The following TMEM229B variants were observed in gnomAD, a reference collection of about 807,000 sequenced individuals.
TMEM229B encodes transmembrane protein 229B.
In TMEM229B, 6 loss-of-function variants were observed where a neutral mutation model predicts 13.7. The observed-to-expected ratio is 0.44, with a 90% CI of 0.24 to 0.86. TMEM229B has a LOEUF of 0.86. Ranked by LOEUF, TMEM229B falls within the 40% of genes least tolerant of loss-of-function variation. The probability of loss-of-function intolerance (pLI) is 0.23; values close to 1 mark genes in which losing one functional copy is unlikely to be tolerated. For missense variants in TMEM229B, 170 were observed against 236.0 expected, an observed-to-expected ratio of 0.72 and a Z score of 1.83; for synonymous variants, 107 against 102.1, an observed-to-expected ratio of 1.05 and a Z score of -0.29.
At chr14:67,500,289 C>T (rs1322138453) in intron 1 of TMEM229B, among the ~76,000 whole-genome samples, 1 of 152,128 alleles carries the variant, frequency 6.6e-6, no homozygotes, top group African/African-American at 2.4e-5. Context: ...GCCTGGCCAA[C>T]ATGGTGAAAC....
At chr14:67,476,270 G>A (rs1322096587) in intron 2 of TMEM229B, among the ~76,000 whole-genome samples, 4 of 152,150 alleles carry the variant, frequency 2.6e-5, no homozygotes, top group Non-Finnish European at 4.4e-5. Flanking sequence ...CACTTCGTTC[G>A]CATTTTGTCA....
At chr14:67,516,032 G>T (rs182461491), upstream of TMEM229B, among the ~76,000 whole-genome samples, 26 of 152,310 alleles carry the variant, frequency 1.7e-4, no homozygotes, top group African/African-American at 5.8e-4. Context: ...TTCTTTTATT[G>T]GGAGGTGGAA....
intron 2 of TMEM229B, among the ~76,000 whole-genome samples, chr14:67,485,705 T>C (rs540376520): frequency 6.6e-6 from 1 of 152,194 alleles, no homozygotes; most frequent in African/African-American, 2.4e-5. Flanking sequence ...AAGCAGCCAA[T>C]TGTCATTTTT....
chr14:67,473,765 G>A lies in TMEM229B; in HGVS notation c.159C>T (p.Tyr53=), dbSNP rs1290722993. ...GVTSVWALFI[Y]GTSILIVERM... ...GCTCCACGATGAGGATGGAGGTGCC[G>A]TAGATGAAGAGGGCCCACACGCTCG... is the stretch of plus-strand genomic sequence containing the variant. Residue 53 remains tyrosine (Y), a synonymous_variant, in exon 3 of 3, where the codon TAC becomes TAT. Transcript: ENST00000554480. The surrounding 1 kb of genome is among the most constrained non-coding windows in gnomAD (Gnocchi z 6.5). 1.1e-5 allele frequency: 17 copies of A among 1,613,708 alleles called. No individual in the cohort carries two copies. The highest frequency in any genetic ancestry group is 5.5e-5 in the South Asian group (5 of 90,966).
intron 2 of TMEM229B, among the ~76,000 whole-genome samples, chr14:67,474,157 C>G (rs2031008193): frequency 6.6e-6 from 1 of 152,020 alleles, no homozygotes; most frequent in Non-Finnish European, 1.5e-5. Context: ...GAAGCTGAGG[C>G]AGAAGAATCG....
intron 1 of TMEM229B, among the ~76,000 whole-genome samples, chr14:67,498,688 C>T (rs1260522086): frequency 6.6e-6 from 1 of 152,170 alleles, no homozygotes; most frequent in Non-Finnish European, 1.5e-5. Flanking sequence ...CTTTTTAAGA[C>T]AGAGTCTCCC....
chr14:67,509,263 A>G (rs1017838798), intron 1 of TMEM229B, among the ~76,000 whole-genome samples: 2 of 152,212 alleles, frequency 1.3e-5, no homozygotes, highest in African/African-American at 4.8e-5. Flanking sequence ...ATGTTTTTCA[A>G]ACAAGAATCT....
At chr14:67,497,354 C>G (rs1013927463) in intron 1 of TMEM229B, among the ~76,000 whole-genome samples, 7 of 152,072 alleles carry the variant, frequency 4.6e-5, no homozygotes, top group Admixed American at 3.9e-4. Flanking sequence ...ATACAAATAC[C>G]GAGACACTGT....
intron 1 of TMEM229B, among the ~76,000 whole-genome samples, chr14:67,513,513 C>A (rs1231222640): frequency 5.9e-5 from 9 of 152,176 alleles, no homozygotes; most frequent in Admixed American, 5.9e-4. Context: ...GCCTGTTGTC[C>A]CCACCCAACG....
At chr14:67,484,121 A>C (rs2031743733) in intron 2 of TMEM229B, among the ~76,000 whole-genome samples, 1 of 152,204 alleles carries the variant, frequency 6.6e-6, no homozygotes, top group African/African-American at 2.4e-5. Context: ...TCTGTCACTC[A>C]CATCATTCCA....
chr14:67,502,001 T>G (rs2032628028), intron 1 of TMEM229B, among the ~76,000 whole-genome samples: 1 of 152,204 alleles, frequency 6.6e-6, no homozygotes, highest in African/African-American at 2.4e-5. Context: ...GATAAAGGAC[T>G]GTGGGCCTTA....
At chr14:67,513,649 C>T (rs2033100352) in intron 1 of TMEM229B, among the ~76,000 whole-genome samples, 1 of 152,218 alleles carries the variant, frequency 6.6e-6, no homozygotes, top group South Asian at 2.1e-4. Flanking sequence ...CTGACAGGCC[C>T]ACCCTGGCCC....
chr14:67,523,328 A>AC, intron 1 of TMEM229B, among the ~76,000 whole-genome samples: 1 of 152,170 alleles, frequency 6.6e-6, no homozygotes, highest in East Asian at 1.9e-4. Context: ...ATCTCAAAAA[A>AC]AAAAAAAAGA....
intron 2 of TMEM229B, among the ~76,000 whole-genome samples, chr14:67,475,649 T>G (rs903337939): frequency 6.6e-6 from 1 of 152,170 alleles, no homozygotes; most frequent in African/African-American, 2.4e-5. Flanking sequence ...TTAAATGGGG[T>G]TTTGGTGTTT....
chr14:67,481,840 C>T (rs1393483220), intron 2 of TMEM229B, among the ~76,000 whole-genome samples: 2 of 152,166 alleles, frequency 1.3e-5, no homozygotes, highest in Non-Finnish European at 2.9e-5. Flanking sequence ...CAGGGAGAAC[C>T]GGCAGCTCAG....
intron 1 of TMEM229B, chr14:67,503,342 T>A (rs548916797): frequency 6.6e-6 from 1 of 152,036 alleles, no homozygotes; most frequent in African/African-American, 2.4e-5. Flanking sequence ...GGGGTGGGCG[T>A]GTGTATGCCA....
intron 1 of TMEM229B, among the ~76,000 whole-genome samples, chr14:67,505,782 C>T (rs2032803113): frequency 6.6e-6 from 1 of 151,946 alleles, no homozygotes; most frequent in Non-Finnish European, 1.5e-5. Context: ...TCTCAGCTCA[C>T]TGCAACCTCT....
At position 67,478,932 on chromosome 14, in the gene TMEM229B, T is replaced by G. The variant is rs11846765; in HGVS notation, c.-18-4991A>C. On this transcript the variant is annotated intron_variant, in intron 2 of 2. Transcript: ENST00000554480. ...AAGAGAAAAAAGCAGGATTCAAAACTGAATATTCAACCTAACTCCGATTCT... is the reference window on the plus strand; with the variant it reads ...AAGAGAAAAAAGCAGGATTCAAAACGGAATATTCAACCTAACTCCGATTCT... Among the ~76,000 whole-genome samples the G allele has an allele frequency of 1.0e-3, 158 of 152,324 alleles. 1 individual carries two copies. Among genetic ancestry groups the G allele is most frequent in the African/African-American group, 3.7e-3 (153 of 41,558 alleles).
At chr14:67,477,829 A>G (rs969804848) in intron 2 of TMEM229B, among the ~76,000 whole-genome samples, 7 of 151,898 alleles carry the variant, frequency 4.6e-5, no homozygotes, top group African/African-American at 1.7e-4. Flanking sequence ...CTCTCCTAAG[A>G]CCCCCACCCC....
Sources: gnomAD v4.1 joint callset for allele counts (sites outside exome capture counted in the v4.1 genomes callset) on GRCh38, gnomAD v4.1.1 for gene constraint, Gnocchi (gnomAD v3.1) non-coding constraint, MANE v1.5 for transcripts, NCBI Gene and HGNC (gene_info 2026-07-23, HGNC 2026-07-21) for gene names.